ERC2: variants seen among roughly 807,000 people sequenced by gnomAD.
The protein encoded by ERC2 is ELKS/RAB6-interacting/CAST family member 2, also known as ERC protein 2.
A neutral mutation model predicts 114.8 loss-of-function variants in ERC2; 42 were observed. That is an observed-to-expected ratio of 0.37 (90% CI 0.29 to 0.47). The LOEUF (loss-of-function observed/expected upper bound fraction) is 0.47, where lower values mean the gene tolerates loss of function less well. Ranked by LOEUF, ERC2 falls within the 20% of genes least tolerant of loss-of-function variation. ERC2 has a pLI of 0.99. For missense variants in ERC2, 939 were observed against 1,150.7 expected (o/e 0.82, Z 2.66); for synonymous variants, 454 against 425.5 (o/e 1.07, Z -0.82).
Position 55,786,499 on chromosome 3 carries a change from A to G in ERC2, c.2565-51581T>C, listed in dbSNP as rs370150611. On this transcript the variant is annotated intron_variant, in intron 14 of 17. Transcript: ENST00000288221. ...CCCTTGTTACCACTGCTAATTATAT[A>G]TAATTGTATCTACAGTGTTGTGACA... Among the ~76,000 whole-genome samples the G allele has an allele frequency of 3.9e-5, 6 of 152,308 alleles. No individual in the cohort carries two copies. In the East Asian group the frequency reaches 9.6e-4, roughly 24 times the overall value.
chr3:56,072,650 A>T (rs6799669), intron 7 of ERC2, among the ~76,000 whole-genome samples: 112,007 of 152,114 alleles, frequency 0.74, 43,789 homozygotes, highest in East Asian at 0.88. Flanking sequence ...ATGAAAAGAT[A>T]TATTTAATGT....
chr3:55,952,354 G>A (rs1004431471), intron 12 of ERC2, among the ~76,000 whole-genome samples: 4 of 151,680 alleles, frequency 2.6e-5, no homozygotes, highest in Non-Finnish European at 5.9e-5. Flanking sequence ...ATTAATTTTT[G>A]TCCAATATTT....
At chr3:56,391,604 T>C (rs1165646694) in intron 2 of ERC2, among the ~76,000 whole-genome samples, 1 of 152,174 alleles carries the variant, frequency 6.6e-6, no homozygotes, top group East Asian at 1.9e-4. Context: ...GTAGGTGAAC[T>C]GTGACAATCA....
intron 6 of ERC2, among the ~76,000 whole-genome samples, chr3:56,104,611 T>G (rs189585641): frequency 3.2e-4 from 47 of 148,602 alleles, no homozygotes; most frequent in Middle Eastern, 3.5e-3. Context: ...GCGACAGGAC[T>G]AGGACACATT....
intron 13 of ERC2, among the ~76,000 whole-genome samples, chr3:55,890,962 T>C (rs1266651569): frequency 2.6e-5 from 4 of 152,236 alleles, no homozygotes; most frequent in Non-Finnish European, 4.4e-5. Context: ...TCCTAGATGA[T>C]GGCCATGGGT....
chr3:56,428,722 A>G (rs1456735060), intron 2 of ERC2, among the ~76,000 whole-genome samples: 1 of 152,214 alleles, frequency 6.6e-6, no homozygotes, highest in South Asian at 2.1e-4. Flanking sequence ...AAAAACTCAT[A>G]TTAATATTGA....
chr3:56,060,488 T>C (rs2076200763), intron 7 of ERC2, among the ~76,000 whole-genome samples: 1 of 152,242 alleles, frequency 6.6e-6, no homozygotes, highest in African/African-American at 2.4e-5. Flanking sequence ...GTACTTATCA[T>C]CATTTTTAGA....
chr3:55,906,419 G>A (rs1183588009), intron 13 of ERC2, among the ~76,000 whole-genome samples: 1 of 127,852 alleles, frequency 7.8e-6, no homozygotes, highest in Non-Finnish European at 1.6e-5. Context: ...GTGACAGAGC[G>A]AGACTCTGTC....
intron 17 of ERC2, among the ~76,000 whole-genome samples, chr3:55,656,926 T>C (rs1278742719): frequency 1.4e-4 from 21 of 152,200 alleles, no homozygotes; most frequent in Non-Finnish European, 2.8e-4. Context: ...GGGATGTTGG[T>C]TGAAGTAGTC....
chr3:56,041,448 C>T (rs2075187276), intron 7 of ERC2, among the ~76,000 whole-genome samples: 1 of 152,158 alleles, frequency 6.6e-6, no homozygotes, highest in African/African-American at 2.4e-5. Context: ...AGATGTAAGA[C>T]AGGAAAATGG....
chr3:56,336,780 G>C (rs1216153367), intron 2 of ERC2, among the ~76,000 whole-genome samples: 1 of 152,192 alleles, frequency 6.6e-6, no homozygotes, highest in Non-Finnish European at 1.5e-5. Context: ...CTGGGGGATA[G>C]AGCGAGACTC....
chr3:55,767,124 A>C (rs571331360), intron 14 of ERC2, among the ~76,000 whole-genome samples: 1 of 152,322 alleles, frequency 6.6e-6, no homozygotes, highest in Non-Finnish European at 1.5e-5. Context: ...TGGATTTATG[A>C]CTTAAATGGC....
chr3:56,048,167 T>C (rs2075573544), intron 7 of ERC2, among the ~76,000 whole-genome samples: 1 of 152,224 alleles, frequency 6.6e-6, no homozygotes, highest in Non-Finnish European at 1.5e-5. Context: ...AAACCGTAAA[T>C]TACTTCAGTG....
chr3:56,305,651 G>A (rs913709935), intron 2 of ERC2, among the ~76,000 whole-genome samples: 3 of 151,970 alleles, frequency 2.0e-5, no homozygotes, highest in African/African-American at 7.2e-5. Flanking sequence ...GCTGCTGCAC[G>A]TAAACTAGTG....
chr3:56,460,940 G>A (rs2063285749), intron 1 of ERC2, among the ~76,000 whole-genome samples: 1 of 102,024 alleles, frequency 9.8e-6, no homozygotes, highest in East Asian at 3.3e-4. Context: ...CTAACACGGT[G>A]AAACCCCGTC....
intron 14 of ERC2, among the ~76,000 whole-genome samples, chr3:55,774,145 G>A (rs1218186679): frequency 6.6e-6 from 1 of 152,176 alleles, no homozygotes; most frequent in African/African-American, 2.4e-5. Context: ...TTCAGTCTCA[G>A]GCTAGACTGG....
intron 2 of ERC2, among the ~76,000 whole-genome samples, chr3:56,319,647 G>GA (rs372406339): frequency 6.6e-6 from 1 of 151,874 alleles, no homozygotes; most frequent in Non-Finnish European, 1.5e-5. Context: ...ATCACAATAA[G>GA]AAAAAAAGAT....
chr3:55,677,715 C>G (rs947926315), intron 17 of ERC2, among the ~76,000 whole-genome samples: 1 of 152,186 alleles, frequency 6.6e-6, no homozygotes, highest in Non-Finnish European at 1.5e-5. Flanking sequence ...TGAGGGTCTT[C>G]TTCACTTTTT....
chr3:55,575,651 C>T (rs572538385), intron 17 of ERC2, among the ~76,000 whole-genome samples: 92 of 152,328 alleles, frequency 6.0e-4, no homozygotes, highest in African/African-American at 1.9e-3. Context: ...AGAGGGCTCC[C>T]CACCAGCCAC....
Sources: allele counts gnomAD v4.1 joint callset (sites outside exome capture counted in the v4.1 genomes callset), GRCh38; gene constraint gnomAD v4.1.1; transcripts MANE v1.5; gene names NCBI Gene and HGNC (gene_info 2026-07-23, HGNC 2026-07-21).